EXOC6B: variants seen among roughly 807,000 people sequenced by gnomAD.
EXOC6B encodes SEC15 homolog B.
A neutral mutation model predicts 113.5 loss-of-function variants in EXOC6B; 54 were observed. The ratio of observed to expected loss-of-function variants is 0.48; its 90% CI spans 0.38 to 0.60. The LOEUF is 0.60. EXOC6B is among the 20% of genes least tolerant of loss of function. The pLI is 0.00. For missense variants in EXOC6B, 797 were observed against 977.5 expected, an observed-to-expected ratio of 0.82 and a Z score of 2.46; for synonymous variants, 357 against 339.0, an observed-to-expected ratio of 1.05 and a Z score of -0.58.
At chr2:72,715,477 T>C (rs1262980890) in intron 6 of EXOC6B, among the ~76,000 whole-genome samples, 2 of 147,998 alleles carry the variant, frequency 1.4e-5, no homozygotes, top group Non-Finnish European at 3.0e-5. Flanking sequence ...ATATATAATA[T>C]ATAAAAATAA....
intron 7 of EXOC6B, among the ~76,000 whole-genome samples, chr2:72,567,574 C>A (rs1240805282): frequency 4.6e-5 from 7 of 151,916 alleles, no homozygotes; most frequent in Non-Finnish European, 1.0e-4. Flanking sequence ...AAGGGGTATA[C>A]CTAATGCCCA....
At chr2:72,734,224 C>T (rs1680816029) in intron 2 of EXOC6B, among the ~76,000 whole-genome samples, 1 of 152,140 alleles carries the variant, frequency 6.6e-6, no homozygotes, top group Non-Finnish European at 1.5e-5. Flanking sequence ...AAGCAGATTA[C>T]CATATGCACC....
At chr2:72,529,965 T>A (rs927124258) in intron 8 of EXOC6B, among the ~76,000 whole-genome samples, 1 of 152,198 alleles carries the variant, frequency 6.6e-6, no homozygotes, top group Non-Finnish European at 1.5e-5. Flanking sequence ...AGTGTCTCTA[T>A]TGATATTCCC....
At chr2:72,824,068 A>C (rs919781603) in intron 1 of EXOC6B, among the ~76,000 whole-genome samples, 8 of 151,950 alleles carry the variant, frequency 5.3e-5, no homozygotes, top group African/African-American at 1.9e-4. Context: ...AACTGGTCCA[A>C]AAAAGGGAGC....
chr2:72,288,481 C>A (rs1685577617), intron 20 of EXOC6B, among the ~76,000 whole-genome samples: 1 of 151,928 alleles, frequency 6.6e-6, no homozygotes, highest in East Asian at 1.9e-4. Flanking sequence ...ATCAATATAA[C>A]AAAGTATGTC....
At position 72,318,822 on chromosome 2, in the gene EXOC6B, A is replaced by G. The variant is rs557455450; in HGVS notation, c.2196+16125T>C. On this transcript the variant is annotated intron_variant, in intron 20 of 21. Transcript: ENST00000272427. Reference sequence around the variant, plus strand: ...ATATCCTTACTGAGATTCATGGGCCATTTAATACTACTTTATGTGTAGCAA... The same window carrying G: ...ATATCCTTACTGAGATTCATGGGCCGTTTAATACTACTTTATGTGTAGCAA... Among the ~76,000 whole-genome samples the G allele has an allele frequency of 3.9e-4, 60 of 152,248 alleles. 1 individual carries two copies. The highest frequency in any genetic ancestry group is 1.3e-3 in the African/African-American group (56 of 41,536).
intron 20 of EXOC6B, among the ~76,000 whole-genome samples, chr2:72,293,836 A>G (rs1685959342): frequency 6.6e-6 from 1 of 152,204 alleles, no homozygotes. Context: ...ATCTGTTGAA[A>G]TACACAATGT....
chr2:72,633,302 ATGTTGT>A (rs376077523), intron 6 of EXOC6B, among the ~76,000 whole-genome samples: 1 of 152,064 alleles, frequency 6.6e-6, no homozygotes, highest in African/African-American at 2.4e-5. Flanking sequence ...CATACACTGT[ATGTTGT>A]TGTTGTTGTT....
intron 20 of EXOC6B, among the ~76,000 whole-genome samples, chr2:72,251,086 T>C (rs756253323): frequency 8.4e-6 from 1 of 118,638 alleles, no homozygotes; most frequent in Non-Finnish European, 2.0e-5. Context: ...CCTTGGCCTT[T>C]ACTTGCTTAC....
chr2:72,274,573 G>T (rs1168565837), intron 20 of EXOC6B, among the ~76,000 whole-genome samples: 1 of 152,092 alleles, frequency 6.6e-6, no homozygotes, highest in African/African-American at 2.4e-5. Context: ...TAAGGGAGGA[G>T]TTTGGGAAGA....
At chr2:72,311,390 T>C (rs1443720898) in intron 20 of EXOC6B, among the ~76,000 whole-genome samples, 1 of 152,138 alleles carries the variant, frequency 6.6e-6, no homozygotes, top group Non-Finnish European at 1.5e-5. Flanking sequence ...TCCCAGCCTT[T>C]ATAGAGGCCA....
chr2:72,496,367 G>T, intron 14 of EXOC6B, 87 bp downstream of exon 14: 1 of 754,808 alleles, frequency 1.3e-6, no homozygotes, highest in Non-Finnish European at 2.3e-6. Flanking sequence ...TGAGTTAAAG[G>T]TAATGCTTTC....
rs530454105 is a variant in EXOC6B, at chr2:72,273,308, G to GTTCA, written c.2196+61635_2196+61638dup. Among the ~76,000 whole-genome samples, 20 of 152,154 alleles carry GTTCA rather than the reference G, an allele frequency of 1.3e-4. No individual in the cohort carries two copies. In the East Asian group the frequency reaches 3.9e-3, roughly 29 times the overall value. On this transcript the variant is annotated intron_variant, in intron 20 of 21. Transcript: ENST00000272427. ...TAAAAAGATGTTTACTTATTTGTTT[G>GTTCA]TTCATTCATTCATTCATTTAGCAAA...
intron 6 of EXOC6B, among the ~76,000 whole-genome samples, chr2:72,685,626 T>G (rs1395117978): frequency 6.6e-6 from 1 of 152,184 alleles, no homozygotes; most frequent in Non-Finnish European, 1.5e-5. Flanking sequence ...CTCACTAACA[T>G]TCTTAGGCAG....
chr2:72,188,245 T>C (rs1453432213), intron 20 of EXOC6B, among the ~76,000 whole-genome samples: 1 of 152,188 alleles, frequency 6.6e-6, no homozygotes, highest in Non-Finnish European at 1.5e-5. Context: ...TGGTGGGCCA[T>C]TTAGGGCAGC....
At chr2:72,692,957 A>G (rs946553334) in intron 6 of EXOC6B, among the ~76,000 whole-genome samples, 2 of 152,086 alleles carry the variant, frequency 1.3e-5, no homozygotes, top group African/African-American at 4.8e-5. Flanking sequence ...CAGATTATCA[A>G]CTCCCCTAAA....
chr2:72,441,928 A>T (rs572639469), intron 18 of EXOC6B, among the ~76,000 whole-genome samples: 2 of 152,346 alleles, frequency 1.3e-5, no homozygotes, highest in South Asian at 4.1e-4. Context: ...CTGATAGCAA[A>T]ACCTGGCAGA....
chr2:72,770,881 T>A (rs957822858), intron 1 of EXOC6B, among the ~76,000 whole-genome samples: 35 of 152,108 alleles, frequency 2.3e-4, no homozygotes, highest in African/African-American at 4.1e-4. Flanking sequence ...TACAATTTTT[T>A]AAAAATTCAA....
At chr2:72,201,264 A>T (rs1391513271) in intron 20 of EXOC6B, among the ~76,000 whole-genome samples, 1 of 152,158 alleles carries the variant, frequency 6.6e-6, no homozygotes, top group Non-Finnish European at 1.5e-5. Context: ...AGTATACTTA[A>T]ATATACTACA....
Sources: allele counts gnomAD v4.1 joint callset (sites outside exome capture counted in the v4.1 genomes callset), GRCh38; gene constraint gnomAD v4.1.1; transcripts MANE v1.5; gene names NCBI Gene and HGNC (gene_info 2026-07-23, HGNC 2026-07-21).